The following SLIT3 variants were observed in gnomAD, a reference collection of about 807,000 sequenced individuals.
SLIT3 encodes the protein slit homolog 3 protein.
Under a neutral mutation model 184.0 loss-of-function variants are expected in SLIT3, and 68 were observed. The ratio of observed to expected loss-of-function variants is 0.37; its 90% CI spans 0.30 to 0.45. The LOEUF (loss-of-function observed/expected upper bound fraction) is 0.45, where lower values mean the gene tolerates loss of function less well. SLIT3 is among the 20% of genes least tolerant of loss of function. The probability of loss-of-function intolerance (pLI) is 1.00; values close to 1 mark genes in which losing one functional copy is unlikely to be tolerated. For synonymous variants in SLIT3, 831 were observed against 828.6 expected, an observed-to-expected ratio of 1.00 and a Z score of -0.05; for missense variants, 1,707 against 2,026.0, an observed-to-expected ratio of 0.84 and a Z score of 3.02.
intron 3 of SLIT3, among the ~76,000 whole-genome samples, chr5:169,221,689 G>A (rs145511322): frequency 7.6e-4 from 115 of 152,232 alleles, no homozygotes; most frequent in Middle Eastern, 3.4e-3. Context: ...TTCGCCCTCC[G>A]TTCCTCCTCT....
chr5:169,039,817 C>A (rs920698111), intron 4 of SLIT3, among the ~76,000 whole-genome samples: 1 of 152,118 alleles, frequency 6.6e-6, no homozygotes. Context: ...CTTATTAAAA[C>A]GAATTCAAAC....
chr5:168,805,936 C>T (rs1166805329), intron 9 of SLIT3, among the ~76,000 whole-genome samples: 1 of 152,184 alleles, frequency 6.6e-6, no homozygotes, highest in Non-Finnish European at 1.5e-5. Context: ...ATAATTGTCA[C>T]ATTAATATAG....
chr5:169,123,656 G>C (rs910341680), intron 4 of SLIT3, among the ~76,000 whole-genome samples: 1 of 152,180 alleles, frequency 6.6e-6, no homozygotes, highest in African/African-American at 2.4e-5. Context: ...AAACAAATGA[G>C]ATCTAGATCC....
intron 4 of SLIT3, among the ~76,000 whole-genome samples, chr5:168,968,511 T>G (rs990711336): frequency 2.0e-5 from 3 of 152,214 alleles, no homozygotes; most frequent in African/African-American, 7.2e-5. Flanking sequence ...TTGGGTTCAT[T>G]ACAAAGGGAA....
intron 4 of SLIT3, among the ~76,000 whole-genome samples, chr5:168,940,792 A>G (rs2113204929): frequency 6.6e-6 from 1 of 152,304 alleles, no homozygotes; most frequent in East Asian, 1.9e-4. Flanking sequence ...TACCCTGAAA[A>G]TCATAACCAA....
rs1374193059 is a variant in SLIT3 at position 168,685,861 on chromosome 5, C to G, written c.3381G>C (p.Glu1127Asp). The G allele has an allele frequency of 4.3e-6, 7 of 1,613,940 alleles. No individual in the cohort carries two copies. The highest frequency in any genetic ancestry group is 1.1e-5 in the South Asian group (1 of 91,070). The change falls in exon 31 of 36, where the codon GAG (glutamate) becomes GAC (aspartate). Residue 1127 changes from glutamate (E) to aspartate (D), a missense_variant. Physicochemically the swap from Glu to Asp is conservative, Grantham distance 45 (BLOSUM62 2). This residue lies in a region of SLIT3 where 1,307 missense variants were observed against 1,511.6 expected (regional missense o/e 0.86). Coordinates refer to ENST00000519560, the MANE Select transcript of SLIT3 (RefSeq NM_003062.4). ...LLQTSPCDQY[E>D]CQNGAQCIVV... is the part of the protein sequence containing the mutation. ...CGATGCACTGGGCCCCGTTCTGGCA[C>G]TCGTACTGGTCGCATGGGCTGGTCT...
chr5:168,881,647 T>C (rs1875975), intron 5 of SLIT3, among the ~76,000 whole-genome samples: 7,386 of 152,222 alleles, frequency 0.049, 326 homozygotes, highest in Admixed American at 0.11. Context: ...TTGTTTTTGG[T>C]TCATGTGAAC....
At chr5:169,065,297 T>A (rs1384185454) in intron 4 of SLIT3, among the ~76,000 whole-genome samples, 1 of 152,170 alleles carries the variant, frequency 6.6e-6, no homozygotes, top group East Asian at 1.9e-4. Flanking sequence ...TACCGTCTAG[T>A]GTATCACACA....
chr5:168,718,454 T>C (rs1762819706), intron 23 of SLIT3, among the ~76,000 whole-genome samples: 1 of 152,096 alleles, frequency 6.6e-6, no homozygotes, highest in Non-Finnish European at 1.5e-5. Flanking sequence ...GGCAAGACAG[T>C]TGGGACCACA....
intron 9 of SLIT3, 40 bp from the exon 10 acceptor site, chr5:168,795,618 C>G (rs7733421): frequency 0.12 from 178,483 of 1,525,302 alleles, 11,599 homozygotes; most frequent in African/African-American, 0.23. Flanking sequence ...AACCATCCAC[C>G]TGTCAACAAG....
Position 169,244,698 on chromosome 5 carries a change from T to A in SLIT3, c.341+7A>T, listed in dbSNP as rs1355964539. The A allele has an allele frequency of 6.2e-7, 1 of 1,611,440 alleles. No individual in the cohort carries two copies. The highest frequency in any genetic ancestry group is 1.7e-5 in the Admixed American group (1 of 60,026). ...TACTTTAAGAAAGGAGGCTGTACTGTACTTACAGTCGCTCTAGCTGCTTCA... is the reference window on the plus strand; with the variant it reads ...TACTTTAAGAAAGGAGGCTGTACTGAACTTACAGTCGCTCTAGCTGCTTCA... On this transcript the variant is annotated splice_region_variant and intron_variant, in intron 3 of 35. Coordinates refer to ENST00000519560, the MANE Select transcript of SLIT3 (RefSeq NM_003062.4).
intron 3 of SLIT3, among the ~76,000 whole-genome samples, chr5:169,199,791 T>C (rs777533505): frequency 1.1e-4 from 16 of 152,316 alleles, no homozygotes; most frequent in Non-Finnish European, 1.8e-4. Flanking sequence ...AATTTAGCCC[T>C]TCATTATAAA....
intron 4 of SLIT3, among the ~76,000 whole-genome samples, chr5:168,935,110 C>T (rs1420178865): frequency 2.0e-5 from 3 of 147,898 alleles, no homozygotes; most frequent in African/African-American, 7.5e-5. Context: ...TGCACTCCAG[C>T]CTGGGTGACA....
chr5:168,701,500 C>T (rs1159101191), intron 26 of SLIT3, among the ~76,000 whole-genome samples: 1 of 152,188 alleles, frequency 6.6e-6, no homozygotes, highest in African/African-American at 2.4e-5. Context: ...AAGGAGCCAA[C>T]TGTGTGGAAG....
At chr5:169,257,018 AG>A (rs556651791) in intron 1 of SLIT3, among the ~76,000 whole-genome samples, 24 of 150,908 alleles carry the variant, frequency 1.6e-4, no homozygotes, top group African/African-American at 5.6e-4. Context: ...AGAGGGAAAA[AG>A]GTTTCATGGA....
At chr5:169,135,271 C>G (rs1333515962) in intron 4 of SLIT3, among the ~76,000 whole-genome samples, 2 of 152,136 alleles carry the variant, frequency 1.3e-5, no homozygotes, top group Non-Finnish European at 2.9e-5. Flanking sequence ...GCCACCATGC[C>G]TGGCTAATTT....
intron 4 of SLIT3, among the ~76,000 whole-genome samples, chr5:169,011,987 A>T (rs1239916597): frequency 6.6e-6 from 1 of 150,404 alleles, no homozygotes; most frequent in East Asian, 1.9e-4. Context: ...AGAAGGTAGG[A>T]ACCACTTTTA....
intron 12 of SLIT3, among the ~76,000 whole-genome samples, chr5:168,785,287 C>G (rs1478288832): frequency 6.6e-6 from 1 of 152,188 alleles, no homozygotes; most frequent in Admixed American, 6.5e-5. Context: ...CATCAGAGTT[C>G]AATTATCTTC....
chr5:168,943,572 T>C (rs1762386078), intron 4 of SLIT3, among the ~76,000 whole-genome samples: 1 of 152,222 alleles, frequency 6.6e-6, no homozygotes. Flanking sequence ...TCATTATCTG[T>C]AAAATCAGTA....
Sources: gnomAD v4.1 joint callset for allele counts (sites outside exome capture counted in the v4.1 genomes callset) on GRCh38, gnomAD v4.1.1 for gene constraint, gnomAD v4.1.1 regional missense constraint, MANE v1.5 for transcripts, NCBI Gene and HGNC (gene_info 2026-07-23, HGNC 2026-07-21) for gene names.